Variants in MYPN observed in about 807,000 individuals in gnomAD.
MYPN encodes the protein myopalladin.
MYPN carries 63 observed loss-of-function variants against 129.4 expected under a neutral mutation model. The observed-to-expected ratio is 0.49, with a 90% CI of 0.40 to 0.60. MYPN has a LOEUF of 0.60. MYPN is among the 20% of genes least tolerant of loss of function. The probability of loss-of-function intolerance (pLI) is 0.00; values close to 1 mark genes in which losing one functional copy is unlikely to be tolerated. For synonymous variants in MYPN, 629 were observed against 600.9 expected (o/e 1.05, Z -0.68); for missense variants, 1,596 against 1,635.4 (o/e 0.98, Z 0.42).
chr10:68,118,877 TGAAGGAAGGAAGGAAG>T (rs10661735), intron 1 of MYPN, among the ~76,000 whole-genome samples: 2,955 of 122,502 alleles, frequency 0.024, 176 homozygotes, highest in East Asian at 0.22. Context: ...AAAAGAGTGA[TGAAGGAAGGAAGGAAG>T]GAAGGAAGGA....
chr10:68,167,593 G>T (rs2043074688), intron 10 of MYPN, among the ~76,000 whole-genome samples: 1 of 151,874 alleles, frequency 6.6e-6, no homozygotes, highest in African/African-American at 2.4e-5. Flanking sequence ...TAAAAAAATT[G>T]TTTCTAATTA....
Position 68,211,874 on chromosome 10 carries a change from A to G in MYPN, c.*1419A>G. 1 of 452,678 alleles carries G rather than the reference A, an allele frequency of 2.2e-6. No individual in the cohort carries two copies. The highest frequency in any genetic ancestry group is 4.4e-6 in the Non-Finnish European group (1 of 225,766). 28.0% of individuals were successfully genotyped at this position (452,678 alleles called of 1,614,324 possible). ...GTCTGTTTTCAATTCCCTGTGCTGG[A>G]ATCCCTGGTGCTGTCTGTGCCAAGC... is the stretch of plus-strand genomic sequence containing the variant. On this transcript the variant is annotated 3_prime_UTR_variant, in exon 20 of 20. Transcript: ENST00000358913.
chr10:68,190,990 T>G (rs2043501817), intron 13 of MYPN, among the ~76,000 whole-genome samples: 1 of 152,204 alleles, frequency 6.6e-6, no homozygotes, highest in Admixed American at 6.6e-5. Flanking sequence ...AAAAATGAGT[T>G]GGCTATAAAT....
chr10:68,191,469 T>C (rs10159815), intron 13 of MYPN, among the ~76,000 whole-genome samples: 94,969 of 152,028 alleles, frequency 0.62, 31,163 homozygotes, highest in Non-Finnish European at 0.72. Flanking sequence ...CTGCTCACCT[T>C]GGCCTCCCAA....
intron 10 of MYPN, among the ~76,000 whole-genome samples, chr10:68,173,618 A>C (rs1454480432): frequency 1.4e-5 from 2 of 139,700 alleles, no homozygotes; most frequent in Non-Finnish European, 3.1e-5. Flanking sequence ...TTATTTATTT[A>C]TTGAGATGAG....
chr10:68,208,759 G>T (rs1469310637), intron 19 of MYPN, among the ~76,000 whole-genome samples: 1 of 152,098 alleles, frequency 6.6e-6, no homozygotes. Flanking sequence ...ACGCGTGGAG[G>T]ACTTGGGCTG....
rs571243682 is a variant in MYPN at position 68,128,824 on chromosome 10, C to T, written c.902+6484C>T. On this transcript the variant is annotated intron_variant, in intron 2 of 19. Transcript: ENST00000358913. ...CAAAGTAGTCTGTGGGGAAAAGTGT[C>T]GCAGGCTGAGGGAATAGAAAATTTG... Among the ~76,000 whole-genome samples the T allele has an allele frequency of 2.6e-5, 4 of 152,126 alleles. No homozygotes were observed. The South Asian group carries it at 8.3e-4, about 32-fold the overall frequency.
At chr10:68,161,838 T>C (rs2042981607) in intron 8 of MYPN, 86 bp downstream of exon 8, 2 of 1,084,976 alleles carry the variant, frequency 1.8e-6, no homozygotes, top group Non-Finnish European at 2.7e-6. Flanking sequence ...CTGAGATGAA[T>C]AAAAAGTGAA....
chr10:68,211,199 G>T lies in MYPN; in HGVS notation c.*744G>T, dbSNP rs1309550615. On this transcript the variant is annotated 3_prime_UTR_variant, in exon 20 of 20. Transcript: ENST00000358913. Reference sequence around the variant, plus strand: ...TTTTTTCTGACTTTGCATATCCCTAGACACTAGAACTAAAGGATTGGTAAT... The same window carrying T: ...TTTTTTCTGACTTTGCATATCCCTATACACTAGAACTAAAGGATTGGTAAT... 2 of 453,868 alleles carry T rather than the reference G, an allele frequency of 4.4e-6. No homozygotes were observed. The highest frequency in any genetic ancestry group is 2.0e-5 in the African/African-American group (1 of 49,942). The allele number at this position is 453,868 out of a possible 1,614,324, so 28.1% of individuals were successfully genotyped here. A position where few individuals can be genotyped will look rare whatever the true frequency, so the allele number is the denominator to read the frequency against.
intron 15 of MYPN, among the ~76,000 whole-genome samples, chr10:68,196,649 A>T (rs2043611912): frequency 6.6e-6 from 1 of 151,648 alleles, no homozygotes; most frequent in Non-Finnish European, 1.5e-5. Flanking sequence ...ATGCCCAGCT[A>T]ATTTTTGTAT....
At chr10:68,094,998 T>G (rs1280889159) in intron 1 of MYPN, among the ~76,000 whole-genome samples, 1 of 151,788 alleles carries the variant, frequency 6.6e-6, no homozygotes, top group African/African-American at 2.4e-5. Context: ...AAGACGGAGG[T>G]TGCAGTGAGC....
intron 10 of MYPN, among the ~76,000 whole-genome samples, chr10:68,171,743 A>T (rs1434383260): frequency 6.6e-6 from 1 of 152,238 alleles, no homozygotes; most frequent in Non-Finnish European, 1.5e-5. Flanking sequence ...TTTCCAAGTC[A>T]GTGATGCACT....
chr10:68,093,534 C>T (rs1589509342), intron 1 of MYPN, among the ~76,000 whole-genome samples: 2 of 145,158 alleles, frequency 1.4e-5, no homozygotes, highest in Non-Finnish European at 1.5e-5. Flanking sequence ...GTCAGCAGAT[C>T]GAGACCATCC....
chr10:68,129,550 C>T (rs922791983), intron 2 of MYPN, among the ~76,000 whole-genome samples: 1 of 152,016 alleles, frequency 6.6e-6, no homozygotes, highest in Non-Finnish European at 1.5e-5. Flanking sequence ...TACAAATGTT[C>T]TAGTATGGTA....
intron 10 of MYPN, among the ~76,000 whole-genome samples, chr10:68,169,146 C>G (rs2043102069): frequency 7.1e-6 from 1 of 140,122 alleles, no homozygotes; most frequent in African/African-American, 2.8e-5. Flanking sequence ...GAGATCGAGA[C>G]CATCCTGGTT....
intron 2 of MYPN, among the ~76,000 whole-genome samples, chr10:68,129,364 GTC>G (rs1373104429): frequency 6.6e-6 from 1 of 152,116 alleles, no homozygotes; most frequent in East Asian, 1.9e-4. Flanking sequence ...AAATCAGAAT[GTC>G]TGTTTTCTTC....
chr10:68,094,420 C>T, intron 1 of MYPN, among the ~76,000 whole-genome samples: 1 of 151,416 alleles, frequency 6.6e-6, no homozygotes, highest in Non-Finnish European at 1.5e-5. Flanking sequence ...TGCCTGCCAC[C>T]ACGCCCAATA....
In MYPN at chr10:68,141,469, C is replaced by T. The variant is rs372004040; in HGVS notation, c.903-1471C>T. On this transcript the variant is annotated intron_variant, in intron 2 of 19. Transcript: ENST00000358913. Reference sequence around the variant, plus strand: ...AAATTACAGTAAAGATTAGCAACTGCCAAGGCTACTTAATTTTTGACACTT... The same window carrying T: ...AAATTACAGTAAAGATTAGCAACTGTCAAGGCTACTTAATTTTTGACACTT... Among the ~76,000 whole-genome samples the T allele has an allele frequency of 3.3e-5, 5 of 152,092 alleles. No homozygotes were observed. In the East Asian group the frequency reaches 5.8e-4, roughly 18 times the overall value.
chr10:68,181,869 C>G (rs61854656), intron 12 of MYPN, among the ~76,000 whole-genome samples: 7,641 of 152,046 alleles, frequency 0.05, 315 homozygotes, highest in Middle Eastern at 0.093. Flanking sequence ...CCGATGGACC[C>G]TGGACCCTCT....
Sources: allele counts gnomAD v4.1 joint callset (sites outside exome capture counted in the v4.1 genomes callset), GRCh38; gene constraint gnomAD v4.1.1; transcripts MANE v1.5; gene names NCBI Gene and HGNC (gene_info 2026-07-23, HGNC 2026-07-21).